LY6S: variants seen among roughly 807,000 people sequenced by gnomAD.
LY6S encodes lymphocyte antigen 6 family member S.
At chr8:143,041,132 G>C in the LY6S span, among the ~76,000 whole-genome samples, 1 of 152,156 alleles carries the variant, frequency 6.6e-6, no homozygotes, top group Admixed American at 6.5e-5. Context: ...CAGGGTTTGA[G>C]AGCAGACAAC....
At chr8:143,065,794 T>TCTTTCTTTCTTC in the LY6S span, 2 of 115,858 alleles carry the variant, frequency 1.7e-5, no homozygotes, top group Non-Finnish European at 1.7e-5. Context: ...TTTCTTTCTT[T>TCTTTCTTTCTTC]CTTTCTTTCT....
At chr8:143,064,217 G>A in the LY6S span, among the ~76,000 whole-genome samples, 1 of 152,230 alleles carries the variant, frequency 6.6e-6, no homozygotes, top group Non-Finnish European at 1.5e-5. Flanking sequence ...TAGGAATCCA[G>A]ATTAACAAAA....
the LY6S span, chr8:143,043,326 C>T: frequency 9.0e-7 from 1 of 1,114,298 alleles, no homozygotes; most frequent in Non-Finnish European, 1.2e-6. Flanking sequence ...CTTGTTCTCC[C>T]CTCTCACTTT....
At chr8:143,044,216 C>A in the LY6S span, 1 of 456,268 alleles carries the variant, frequency 2.2e-6, no homozygotes, top group South Asian at 1.5e-5. Context: ...ACAGCCTGCG[C>A]CTCTCCTGCA....
chr8:143,044,678 A>G, the LY6S span: 1 of 1,367,006 alleles, frequency 7.3e-7, no homozygotes, highest in African/African-American at 1.5e-5. Context: ...CACCCCAGGG[A>G]CTCACTGCCA....
the LY6S span, among the ~76,000 whole-genome samples, chr8:143,041,789 T>G: frequency 6.6e-6 from 1 of 152,058 alleles, no homozygotes; most frequent in Non-Finnish European, 1.5e-5. Flanking sequence ...CTTCAGCCGG[T>G]CCCTCTGTTT....
the LY6S span, among the ~76,000 whole-genome samples, chr8:143,069,803 C>T: frequency 2.6e-5 from 4 of 152,260 alleles, no homozygotes; most frequent in African/African-American, 4.8e-5. Context: ...AATCAGACTC[C>T]GCAAGCAGAG....
At chr8:143,070,464 A>ATATTGT in the LY6S span, among the ~76,000 whole-genome samples, 1 of 34,214 alleles carries the variant, frequency 2.9e-5, no homozygotes, top group Non-Finnish European at 5.2e-5. Context: ...ATATATATAT[A>ATATTGT]ATATATATAT....
At chr8:143,063,121 G>A in the LY6S span, among the ~76,000 whole-genome samples, 1 of 152,242 alleles carries the variant, frequency 6.6e-6, no homozygotes, top group Non-Finnish European at 1.5e-5. Context: ...AAACATGAAG[G>A]ATTTGTCCCA....
chr8:143,071,867 A>C, the LY6S span, among the ~76,000 whole-genome samples: 1 of 152,180 alleles, frequency 6.6e-6, no homozygotes, highest in Admixed American at 6.5e-5. Flanking sequence ...ATTCAGAGCC[A>C]CACGGGAGGG....
chr8:143,065,811 C>CTTTCTTTCTTTCT, the LY6S span: 5 of 143,784 alleles, frequency 3.5e-5, no homozygotes, highest in South Asian at 4.5e-4. Context: ...TTCTTTCTTT[C>CTTTCTTTCTTTCT]TTTCTTTCTT....
At chr8:143,076,196 A>G in the LY6S span, among the ~76,000 whole-genome samples, 4 of 152,338 alleles carry the variant, frequency 2.6e-5, no homozygotes, top group East Asian at 7.7e-4. Flanking sequence ...CCAAAGTCAG[A>G]AACAGAACAC....
the LY6S span, among the ~76,000 whole-genome samples, chr8:143,050,726 T>C: frequency 6.6e-6 from 1 of 152,038 alleles, no homozygotes; most frequent in Non-Finnish European, 1.5e-5. Flanking sequence ...CCTTCCACAG[T>C]AGAATAGACC....
At chr8:143,058,087 AG>A in the LY6S span, among the ~76,000 whole-genome samples, 1 of 152,246 alleles carries the variant, frequency 6.6e-6, no homozygotes, top group Non-Finnish European at 1.5e-5. Flanking sequence ...ACAAACAAAT[AG>A]AGCATTTCAG....
chr8:143,057,517 G>C, the LY6S span: 1 of 796,302 alleles, frequency 1.3e-6, no homozygotes, highest in Non-Finnish European at 2.1e-6. Context: ...CAAAGTGCTG[G>C]GATTACAGGC....
chr8:143,060,146 C>T, the LY6S span, among the ~76,000 whole-genome samples: 4 of 152,148 alleles, frequency 2.6e-5, no homozygotes, highest in South Asian at 2.1e-4. Context: ...CTGTCATGCC[C>T]GGACAGGGCC....
At chr8:143,043,360 G>C in the LY6S span, 1 of 791,594 alleles carries the variant, frequency 1.3e-6, no homozygotes, top group Non-Finnish European at 1.8e-6. Context: ...CGGGGTGGGG[G>C]ATGAGCAGGG....
chr8:143,072,243 C>T, the LY6S span, among the ~76,000 whole-genome samples: 5 of 124,108 alleles, frequency 4.0e-5, no homozygotes, highest in East Asian at 2.8e-4. Flanking sequence ...CCGTCGTCCT[C>T]GGGGTCCCTG....
the LY6S span, among the ~76,000 whole-genome samples, chr8:143,073,248 G>T: frequency 6.6e-6 from 1 of 150,608 alleles, no homozygotes; most frequent in Non-Finnish European, 1.5e-5. Flanking sequence ...TGTTTGAGGA[G>T]ACAGCTGTCG....
Sources: allele counts gnomAD v4.1 joint callset (sites outside exome capture counted in the v4.1 genomes callset), GRCh38; gene constraint gnomAD v4.1.1; transcripts MANE v1.5; gene names NCBI Gene and HGNC (gene_info 2026-07-23, HGNC 2026-07-21).